The following TLR1 variants were observed in gnomAD, a reference collection of about 807,000 sequenced individuals.
TLR1 encodes the protein toll like receptor 1.
Under a neutral mutation model 20.2 loss-of-function variants are expected in TLR1, and 19 were observed. The ratio of observed to expected loss-of-function variants is 0.94; its 90% CI spans 0.66 to 1.38. The LOEUF is 1.38. TLR1 is among the 40% of genes most tolerant of loss of function. TLR1 has a pLI of 0.00. For missense variants in TLR1, 921 were observed against 910.0 expected (o/e 1.01, Z -0.16); for synonymous variants, 320 against 334.5 (o/e 0.96, Z 0.47).
chr4:38,799,931 T>C (rs760264242), intron 3 of TLR1, among the ~76,000 whole-genome samples: 1 of 152,226 alleles, frequency 6.6e-6, no homozygotes, highest in Non-Finnish European at 1.5e-5. Flanking sequence ...AAGGAGTTTT[T>C]ATCTAGTGGG....
chr4:38,796,406 T>C lies in TLR1; in HGVS notation c.*65A>G. 1 of 1,541,140 alleles carries C rather than the reference T, an allele frequency of 6.5e-7. No individual in the cohort carries two copies. The highest frequency in any genetic ancestry group is 8.8e-7 in the Non-Finnish European group (1 of 1,135,984). ...ACATCTATGCTGATGCAAAATAAAG[T>C]CATTGTTGGAACTTCCAAAAGCAGC... On this transcript the variant is annotated 3_prime_UTR_variant, in exon 4 of 4. Coordinates refer to ENST00000308979, the MANE Select transcript of TLR1 (RefSeq NM_003263.4).
chr4:38,803,507 T>C (rs907254797), intron 2 of TLR1, among the ~76,000 whole-genome samples: 5 of 152,232 alleles, frequency 3.3e-5, no homozygotes, highest in Non-Finnish European at 5.9e-5. Flanking sequence ...CTAACCTCCA[T>C]CTTGCCCTTT....
chr4:38,792,472 G>T (rs1483476993), downstream of TLR1, among the ~76,000 whole-genome samples: 1 of 151,832 alleles, frequency 6.6e-6, no homozygotes, highest in Non-Finnish European at 1.5e-5. Flanking sequence ...TATTTATATT[G>T]TAATATAAGC....
downstream of TLR1, among the ~76,000 whole-genome samples, chr4:38,788,716 A>T (rs1560450353): frequency 1.3e-5 from 2 of 152,316 alleles, no homozygotes; most frequent in South Asian, 2.1e-4. Context: ...ATTTAAATAA[A>T]CTATATTTAG....
chr4:38,788,959 T>C (rs1725659408), downstream of TLR1, among the ~76,000 whole-genome samples: 1 of 152,168 alleles, frequency 6.6e-6, no homozygotes, highest in Non-Finnish European at 1.5e-5. Flanking sequence ...TGAGCTATGA[T>C]TGTGCCACTG....
chr4:38,797,566 A>G lies in TLR1; in HGVS notation c.1266T>C (p.Thr422=), dbSNP rs201868639. 2.5e-6 allele frequency: 4 copies of G among 1,613,506 alleles called. No homozygotes were observed. In the African/African-American group the frequency reaches 4.0e-5, roughly 16 times the overall value. Residue 422 remains threonine, a synonymous_variant, in exon 4 of 4, where the codon ACT becomes ACC. Coordinates refer to ENST00000308979, the MANE Select transcript of TLR1 (RefSeq NM_003263.4). ...YDEKKGDCSW[T]KSLLSLNMSS... ...ACATATTTAAACTTAATAAACTTTT[A>G]GTCCAAGAACAGTCTCCTTTCTTTT...
chr4:38,797,157 G>T lies in TLR1; in HGVS notation c.1675C>A (p.Pro559Thr), dbSNP rs778343132. ...AGTAGGGTTCCTCTATAACTTTCCGGGTAGTCACACTTATAAGAATCAGGC... is the reference window on the plus strand; with the variant it reads ...AGTAGGGTTCCTCTATAACTTTCCGTGTAGTCACACTTATAAGAATCAGGC... ...GWPDSYKCDY[P>T]ESYRGTLLKD... Residue 559 changes from proline (P) to threonine (T), a missense_variant, in exon 4 of 4, where the codon CCG (proline) becomes ACG (threonine). Coordinates refer to ENST00000308979, the MANE Select transcript of TLR1 (RefSeq NM_003263.4). The T allele has an allele frequency of 1.1e-5, 18 of 1,614,166 alleles. No homozygotes were observed. Among genetic ancestry groups the T allele is most frequent in the Non-Finnish European group, 1.4e-5 (17 of 1,180,030 alleles).
downstream of TLR1, among the ~76,000 whole-genome samples, chr4:38,792,437 A>G (rs183160677): frequency 7.9e-5 from 12 of 152,310 alleles, no homozygotes; most frequent in African/African-American, 2.6e-4. Flanking sequence ...CATAGTGTAC[A>G]TATACTTTTG....
Position 38,797,532 on chromosome 4 carries a change from T to C in TLR1, c.1300A>G (p.Ile434Val). Residue 434 changes from isoleucine (I) to valine (V), a missense_variant, in exon 4 of 4, where the codon ATA becomes GTA. Transcript: ENST00000308979. ...CATCTGAAAATAGTGTCAGTAAGTATATTTGAAGACATATTTAAACTTAAT... is the reference window on the plus strand; with the variant it reads ...CATCTGAAAATAGTGTCAGTAAGTACATTTGAAGACATATTTAAACTTAAT... ...SLLSLNMSSN[I>V]LTDTIFRCLP... 1.2e-6 allele frequency: 2 copies of C among 1,614,098 alleles called. No individual in the cohort carries two copies.
intron 2 of TLR1, among the ~76,000 whole-genome samples, chr4:38,801,955 G>A (rs529793537): frequency 1.4e-4 from 22 of 152,292 alleles, no homozygotes; most frequent in East Asian, 3.9e-4. Flanking sequence ...CCAGCACTTC[G>A]GGAGGCTGAG....
Position 38,798,910 on chromosome 4 carries a change from A to T in TLR1, c.-67-12T>A. 1 of 1,153,926 alleles carries T rather than the reference A, an allele frequency of 8.7e-7. No homozygotes were observed. Among genetic ancestry groups the T allele is most frequent in the Non-Finnish European group, 1.2e-6 (1 of 825,884 alleles). 71.5% of individuals were successfully genotyped at this position (1,153,926 alleles called of 1,614,324 possible). On this transcript the variant is annotated splice_polypyrimidine_tract_variant and intron_variant, in intron 3 of 3. Transcript: ENST00000308979. ...TACAGATACAGATTCTAGAAAAAAA[A>T]TAATGAAATGATGAAATACATTACA... is the stretch of plus-strand genomic sequence containing the variant.
chr4:38,798,803 A>G lies in TLR1; in HGVS notation c.29T>C (p.Ile10Thr). 2 of 1,600,648 alleles carry G rather than the reference A, an allele frequency of 1.2e-6. No homozygotes were observed. Among genetic ancestry groups the G allele is most frequent in the African/African-American group, 2.7e-5 (2 of 74,426 alleles). Reference protein sequence around the residue: MTSIFHFAIIFMLILQIRIQ... With the variant: MTSIFHFAITFMLILQIRIQ... ...TCTGATCTGAAGTATTAACATGAAGATAATGGCAAAATGGAAGATGCTAGT... is the reference window on the plus strand; with the variant it reads ...TCTGATCTGAAGTATTAACATGAAGGTAATGGCAAAATGGAAGATGCTAGT... Residue 10 changes from isoleucine (I) to threonine (T), a missense_variant, in exon 4 of 4, where the codon ATC becomes ACC. Coordinates refer to ENST00000308979, the MANE Select transcript of TLR1 (RefSeq NM_003263.4).
chr4:38,794,537 C>A (rs1725906775), downstream of TLR1: 1 of 151,786 alleles, frequency 6.6e-6, no homozygotes, highest in South Asian at 2.1e-4. Flanking sequence ...GTATACCTGC[C>A]TTTGCTCTCT....
downstream of TLR1, chr4:38,796,178 C>T (rs1726037660): frequency 2.7e-6 from 1 of 367,552 alleles, no homozygotes; most frequent in Non-Finnish European, 5.0e-6. Context: ...ACACACATCA[C>T]TGAAGAAAAA....
At chr4:38,794,558 G>A (rs1025733242), downstream of TLR1, 1 of 149,022 alleles carries the variant, frequency 6.7e-6, no homozygotes, top group Admixed American at 6.7e-5. Context: ...TTATCTTTCT[G>A]TTTAGAATGG....
intron 3 of TLR1, among the ~76,000 whole-genome samples, chr4:38,799,167 T>A (rs1265782138): frequency 2.6e-5 from 4 of 152,170 alleles, no homozygotes; most frequent in African/African-American, 7.2e-5. Flanking sequence ...CATGTCCTAA[T>A]CCCCAGAAAC....
In TLR1 at chr4:38,797,981, T is replaced by G; in HGVS notation, c.851A>C (p.Gln284Pro). The G allele has an allele frequency of 1.2e-6, 2 of 1,614,190 alleles. No individual in the cohort carries two copies. The highest frequency in any genetic ancestry group is 1.7e-6 in the Non-Finnish European group (2 of 1,180,028). The change falls in exon 4 of 4, where the codon CAG becomes CCG. Residue 284 changes from glutamine (Q) to proline (P), a missense_variant. Transcript: ENST00000308979. ...AAAATCTCTGAAGTCCAGCTGACCC[T>G]GTAGCTTCACGTTTGAAATTGAGAA... The part of the protein sequence containing the change: ...WYFSISNVKL[Q>P]GQLDFRDFDY...
At position 38,798,484 on chromosome 4, in the gene TLR1, G is replaced by A. The variant is rs1220398326; in HGVS notation, c.348C>T (p.Leu116=). The change falls in exon 4 of 4, where the codon CTC becomes CTT. Residue 116 remains leucine (L), a synonymous_variant. Coordinates refer to ENST00000308979, the MANE Select transcript of TLR1 (RefSeq NM_003263.4). ...CATTAAATGACAGGTCCAAGTGCTT[G>A]AGGTTCACAGTAGGGTGGCAAGAAA... ...VKISCHPTVN[L]KHLDLSFNAF... 6.2e-7 allele frequency: 1 copy of A among 1,614,036 alleles called. No individual in the cohort carries two copies. The highest frequency in any genetic ancestry group is 8.5e-7 in the Non-Finnish European group (1 of 1,180,030).
At chr4:38,802,383 C>A (rs5743583) in intron 2 of TLR1, among the ~76,000 whole-genome samples, 1 of 152,148 alleles carries the variant, frequency 6.6e-6, no homozygotes, top group Non-Finnish European at 1.5e-5. Flanking sequence ...GGCAAAATGG[C>A]GGACTTCAAC....
Sources: allele counts gnomAD v4.1 joint callset (sites outside exome capture counted in the v4.1 genomes callset), GRCh38; gene constraint gnomAD v4.1.1; transcripts MANE v1.5; gene names NCBI Gene and HGNC (gene_info 2026-07-23, HGNC 2026-07-21).